The following OTOA variants were observed in gnomAD, a reference collection of about 807,000 sequenced individuals.
OTOA encodes otoancorin, also known as cancer/testis antigen 108.
In OTOA, 70 loss-of-function variants were observed where a neutral mutation model predicts 110.8. That is an observed-to-expected ratio of 0.63 (90% CI 0.52 to 0.77). The LOEUF is 0.77. OTOA is among the 30% of genes least tolerant of loss of function. OTOA has a pLI of 0.00. For missense variants in OTOA, 917 were observed against 1,075.8 expected (o/e 0.85, Z 2.06); for synonymous variants, 373 against 431.5 (o/e 0.86, Z 1.68).
intron 12 of OTOA, among the ~76,000 whole-genome samples, chr16:21,707,271 C>T (rs907985019): frequency 2.6e-5 from 4 of 151,774 alleles, no homozygotes; most frequent in Admixed American, 2.6e-4. Flanking sequence ...CAACATGTGG[C>T]AGCCCTGACC....
intron 13 of OTOA, among the ~76,000 whole-genome samples, chr16:21,711,594 G>A (rs1391868760): frequency 3.9e-5 from 6 of 152,034 alleles, no homozygotes; most frequent in African/African-American, 9.7e-5. Context: ...TCAGCCTTCC[G>A]AGTAGCTGGG....
chr16:21,702,094 C>T lies in OTOA; in HGVS notation c.980+1067C>T, dbSNP rs536403077. 8.0e-5 allele frequency among the ~76,000 whole-genome samples: 12 copies of T among 150,914 alleles called. No individual in the cohort carries two copies. In the South Asian group the frequency reaches 1.0e-3, roughly 13 times the overall value. ...CCTCCCAAGTAGCTGGGATTACAGG[C>T]GTGTGCCACCACACCCAGCTAATTT... On this transcript the variant is annotated intron_variant, in intron 11 of 28. Transcript: ENST00000646100.
chr16:21,682,261 C>T (rs1966905534), intron 6 of OTOA, among the ~76,000 whole-genome samples: 1 of 152,210 alleles, frequency 6.6e-6, no homozygotes, highest in Admixed American at 6.5e-5. Context: ...CTCTTCCTTT[C>T]TCCAATCCAG....
chr16:21,691,782 T>C (rs997030855), intron 9 of OTOA, 95 bp downstream of exon 9: 4 of 1,195,024 alleles, frequency 3.3e-6, no homozygotes, highest in African/African-American at 1.5e-5. Context: ...GATGTTGTTC[T>C]CTTCTGATTT....
chr16:21,671,501 C>G (rs1020656693), intron 1 of OTOA, among the ~76,000 whole-genome samples: 1 of 149,142 alleles, frequency 6.7e-6, no homozygotes, highest in African/African-American at 2.5e-5. Context: ...GCAGAAGAAT[C>G]GCTTGAACCT....
chr16:21,695,891 A>ATATATATATATATATATATT (rs569493650), intron 9 of OTOA, among the ~76,000 whole-genome samples: 5 of 41,892 alleles, frequency 1.2e-4, no homozygotes, highest in African/African-American at 7.3e-4. Context: ...ATATATATAT[A>ATATATATATATATATATATT]TTTTTTTTTT....
At chr16:21,677,505 G>A (rs1487784528) in intron 1 of OTOA, among the ~76,000 whole-genome samples, 2 of 131,596 alleles carry the variant, frequency 1.5e-5, no homozygotes, top group African/African-American at 6.1e-5. Context: ...TTTTTGAGAC[G>A]GAGTCTTGCT....
intron 14 of OTOA, 69 bp from the exon 15 acceptor site, chr16:21,716,838 T>G: frequency 6.3e-7 from 1 of 1,587,984 alleles, no homozygotes; most frequent in African/African-American, 1.3e-5. Flanking sequence ...TGTGATGTAG[T>G]GCCTGGCCCT....
intron 5 of OTOA, among the ~76,000 whole-genome samples, chr16:21,679,757 G>T (rs528394782): frequency 6.6e-6 from 1 of 152,182 alleles, no homozygotes; most frequent in African/African-American, 2.4e-5. Flanking sequence ...TCTACTAAGC[G>T]CTTGGTATAG....
At chr16:21,717,070 G>A (rs371668838) in intron 15 of OTOA, 23 bp downstream of exon 15, 19 of 1,613,416 alleles carry the variant, frequency 1.2e-5, no homozygotes, top group Admixed American at 8.3e-5. Flanking sequence ...AACACAGATC[G>A]ATCCTGTATT....
intron 24 of OTOA, among the ~76,000 whole-genome samples, 160 bp from the exon 25 acceptor site, chr16:21,751,775 G>A (rs1899833283): frequency 9.1e-6 from 1 of 109,508 alleles, no homozygotes; most frequent in African/African-American, 3.0e-5. Context: ...TTAAGGACAT[G>A]AACTTGGATG....
At chr16:21,678,765 A>G in intron 2 of OTOA, 150 bp from the exon 3 acceptor site, 3 of 1,222,338 alleles carry the variant, frequency 2.5e-6, no homozygotes, top group Non-Finnish European at 3.6e-6. Flanking sequence ...TTTTCAAGCC[A>G]CGGTTTTCTC....
chr16:21,692,430 A>G (rs1897849576), intron 9 of OTOA, among the ~76,000 whole-genome samples: 1 of 152,178 alleles, frequency 6.6e-6, no homozygotes, highest in South Asian at 2.1e-4. Flanking sequence ...CAAAGCAGGT[A>G]GGTCAGGATT....
rs540099158 is a variant in OTOA at position 21,736,363 on chromosome 16, A to G, written c.2404A>G (p.Lys802Glu). The G allele has an allele frequency of 1.9e-6, 3 of 1,614,160 alleles. No homozygotes were observed. The highest frequency in any genetic ancestry group is 2.2e-5 in the East Asian group (1 of 44,884). Residue 802 changes from lysine (K) to glutamate (E), a missense_variant, in exon 22 of 29, where the codon AAG becomes GAG. Around this residue, in one of 6 missense-constraint regions of OTOA, gnomAD observed 57 missense variants for 59.7 expected, o/e 0.96. Coordinates refer to ENST00000646100, the MANE Select transcript of OTOA (RefSeq NM_144672.4). ...TCAGTCTGTTCGGAACAGCAGTGAT[A>G]AGATCCCCAGCTATGACCCTATGCC... ...VFQSVRNSSDKIPSYDPMPGC... is the reference protein window; with the variant it reads ...VFQSVRNSSDEIPSYDPMPGC...
At chr16:21,712,568 C>T (rs542165755) in intron 13 of OTOA, among the ~76,000 whole-genome samples, 1 of 151,254 alleles carries the variant, frequency 6.6e-6, no homozygotes, top group East Asian at 2.0e-4. Context: ...AGGCCAGGCA[C>T]GATGGCTCAC....
At chr16:21,713,804 C>T (rs934252231) in intron 13 of OTOA, among the ~76,000 whole-genome samples, 1 of 152,144 alleles carries the variant, frequency 6.6e-6, no homozygotes, top group Non-Finnish European at 1.5e-5. Flanking sequence ...CTCTTCTAGC[C>T]TCGTGGTGAC....
chr16:21,685,428 T>A, intron 7 of OTOA, 67 bp downstream of exon 7: 1 of 1,590,892 alleles, frequency 6.3e-7, no homozygotes, highest in East Asian at 2.3e-5. Flanking sequence ...TTGAATTGAA[T>A]AAATGGAGCC....
At chr16:21,706,957 T>A (rs967264507) in intron 12 of OTOA, among the ~76,000 whole-genome samples, 1 of 150,854 alleles carries the variant, frequency 6.6e-6, no homozygotes, top group East Asian at 2.0e-4. Context: ...CAATTTCAGC[T>A]CATTGCAACC....
At chr16:21,712,040 G>A (rs1030568628) in intron 13 of OTOA, among the ~76,000 whole-genome samples, 5 of 151,968 alleles carry the variant, frequency 3.3e-5, no homozygotes, top group Admixed American at 3.3e-4. Context: ...TTGACAAAAG[G>A]TAGTAGGCTG....
Sources: gnomAD v4.1 joint callset for allele counts (sites outside exome capture counted in the v4.1 genomes callset) on GRCh38, gnomAD v4.1.1 for gene constraint, gnomAD v4.1.1 regional missense constraint, MANE v1.5 for transcripts, NCBI Gene and HGNC (gene_info 2026-07-23, HGNC 2026-07-21) for gene names.